ANKRD11: variants seen among roughly 807,000 people sequenced by gnomAD.
ANKRD11 encodes the protein ankyrin repeat domain-containing protein 11.
ANKRD11 carries 17 observed loss-of-function variants against 195.7 expected under a neutral mutation model. That is an observed-to-expected ratio of 0.09 (90% CI 0.06 to 0.13). The LOEUF is 0.13. Ranked by LOEUF, ANKRD11 falls within the 10% of genes least tolerant of loss-of-function variation. The pLI, the probability that ANKRD11 is intolerant of heterozygous loss-of-function variation, is 1.00. For missense variants in ANKRD11, 3,735 were observed against 3,566.1 expected, an observed-to-expected ratio of 1.05 and a Z score of -1.21; for synonymous variants, 1,953 against 1,528.1, an observed-to-expected ratio of 1.28 and a Z score of -6.49.
intron 1 of ANKRD11, among the ~76,000 whole-genome samples, chr16:89,468,206 C>T (rs1202304620): frequency 6.6e-6 from 1 of 152,192 alleles, no homozygotes; most frequent in Non-Finnish European, 1.5e-5. Flanking sequence ...GAAATCTAAA[C>T]AATTATTTGG....
intron 1 of ANKRD11, among the ~76,000 whole-genome samples, chr16:89,424,483 C>T (rs183012673): frequency 1.4e-3 from 214 of 151,820 alleles, no homozygotes; most frequent in African/African-American, 4.7e-3. Flanking sequence ...CTCATTTCTG[C>T]TGTTCTGTGT....
intron 1 of ANKRD11, among the ~76,000 whole-genome samples, chr16:89,488,163 A>C (rs898429903): frequency 6.6e-6 from 1 of 152,216 alleles, no homozygotes; most frequent in Non-Finnish European, 1.5e-5. Flanking sequence ...AAACTGCTGA[A>C]AGTTTCAAGT....
At chr16:89,300,504 C>T (rs1364131567) in intron 4 of ANKRD11, 4 of 223,172 alleles carry the variant, frequency 1.8e-5, no homozygotes, top group Non-Finnish European at 2.7e-5. Flanking sequence ...TCTGCCCGCT[C>T]GGGTCCACTG....
intron 1 of ANKRD11, among the ~76,000 whole-genome samples, chr16:89,435,552 A>T (rs2043179228): frequency 6.6e-6 from 1 of 152,156 alleles, no homozygotes; most frequent in African/African-American, 2.4e-5. Context: ...AAAACACTCC[A>T]GACACATCTG....
intron 7 of ANKRD11, chr16:89,287,040 C>T (rs1466863537): frequency 1.2e-5 from 15 of 1,289,606 alleles, no homozygotes; most frequent in African/African-American, 1.5e-5. Flanking sequence ...CACAAAACCT[C>T]AGGCTTACAA....
intron 2 of ANKRD11, among the ~76,000 whole-genome samples, chr16:89,345,322 A>ACAGAGCTCAGTGCCCC (rs2038889764): frequency 7.5e-6 from 1 of 132,988 alleles, no homozygotes; most frequent in Admixed American, 9.1e-5. Flanking sequence ...ACTCGACCCC[A>ACAGAGCTCAGTGCCCC]CAGAGCTCAG....
intron 1 of ANKRD11, among the ~76,000 whole-genome samples, chr16:89,418,766 C>CTT (rs771543095): frequency 7.0e-5 from 10 of 142,706 alleles, no homozygotes; most frequent in African/African-American, 1.0e-4. Flanking sequence ...TTTAAAAGGC[C>CTT]TTTTTTTTTT....
In ANKRD11 at chr16:89,395,526, G is replaced by A. The variant is rs1407935643; in HGVS notation, c.-60+22758C>T. On this transcript the variant is annotated intron_variant, in intron 2 of 12. Coordinates refer to ENST00000301030, the MANE Select transcript of ANKRD11 (RefSeq NM_013275.6). ...CACAGACCCACCCGAACGGGGAACCGAATCTTACTTGTCCATGAGAATCCC... is the reference window on the plus strand; with the variant it reads ...CACAGACCCACCCGAACGGGGAACCAAATCTTACTTGTCCATGAGAATCCC... 4.6e-5 allele frequency among the ~76,000 whole-genome samples: 7 copies of A among 152,312 alleles called. No individual in the cohort carries two copies. The South Asian group carries it at 1.0e-3, about 23-fold the overall frequency.
intron 2 of ANKRD11, among the ~76,000 whole-genome samples, chr16:89,381,354 A>AAAAAAAAAAAAG (rs1555560066): frequency 1.6e-4 from 20 of 125,344 alleles, no homozygotes; most frequent in African/African-American, 6.3e-4. Flanking sequence ...AAAAAAAAAA[A>AAAAAAAAAAAAG]GGGGTGAGAA....
At chr16:89,467,913 G>GC (rs2056940067) in intron 1 of ANKRD11, among the ~76,000 whole-genome samples, 1 of 152,034 alleles carries the variant, frequency 6.6e-6, no homozygotes, top group African/African-American at 2.4e-5. Flanking sequence ...TGTTTCTCTT[G>GC]CCTCAGCCTC....
At chr16:89,398,560 ATT>A (rs544209852) in intron 2 of ANKRD11, among the ~76,000 whole-genome samples, 7 of 151,746 alleles carry the variant, frequency 4.6e-5, no homozygotes, top group Admixed American at 2.6e-4. Context: ...CTTAAAAAAA[ATT>A]TTTTTTTAAC....
intron 1 of ANKRD11, among the ~76,000 whole-genome samples, chr16:89,478,382 C>A (rs576144077): frequency 6.6e-6 from 1 of 152,084 alleles, no homozygotes; most frequent in Non-Finnish European, 1.5e-5. Context: ...TCCTCTTCTA[C>A]ACAACTCATA....
chr16:89,424,424 A>G (rs1288136439), intron 1 of ANKRD11, among the ~76,000 whole-genome samples: 2 of 146,000 alleles, frequency 1.4e-5, no homozygotes, highest in Non-Finnish European at 3.0e-5. Context: ...CTGGGTGACA[A>G]GAGCAAAACT....
intron 2 of ANKRD11, among the ~76,000 whole-genome samples, chr16:89,394,994 A>G (rs2041362290): frequency 6.6e-6 from 1 of 152,234 alleles, no homozygotes; most frequent in African/African-American, 2.4e-5. Context: ...CCAAACCAGC[A>G]AATACATCAC....
At chr16:89,376,000 T>A (rs1322108805) in intron 2 of ANKRD11, among the ~76,000 whole-genome samples, 1 of 151,962 alleles carries the variant, frequency 6.6e-6, no homozygotes, top group East Asian at 1.9e-4. Flanking sequence ...AATCGATAAA[T>A]CCAGCAGAAG....
chr16:89,367,097 C>T (rs1420140242), intron 2 of ANKRD11, among the ~76,000 whole-genome samples: 1 of 152,180 alleles, frequency 6.6e-6, no homozygotes, highest in Non-Finnish European at 1.5e-5. Flanking sequence ...GATGCCACCC[C>T]GAGACTCACC....
At chr16:89,328,012 A>C (rs2037826061) in intron 2 of ANKRD11, among the ~76,000 whole-genome samples, 1 of 152,268 alleles carries the variant, frequency 6.6e-6, no homozygotes, top group Non-Finnish European at 1.5e-5. Flanking sequence ...ATGTAGAAGA[A>C]AGAAGTATCA....
chr16:89,425,249 T>C (rs1019725934), intron 1 of ANKRD11, among the ~76,000 whole-genome samples: 4 of 152,150 alleles, frequency 2.6e-5, no homozygotes, highest in Admixed American at 1.3e-4. Context: ...GTGAGAAATT[T>C]AGTCAAGGTC....
At chr16:89,310,537 T>C (rs3102349) in intron 3 of ANKRD11, among the ~76,000 whole-genome samples, 104,873 of 152,098 alleles carry the variant, frequency 0.69, 37,701 homozygotes, top group Non-Finnish European at 0.8. Flanking sequence ...TGGAGAGAGA[T>C]GGCATCCAGT....
Sources: gnomAD v4.1 joint callset for allele counts (sites outside exome capture counted in the v4.1 genomes callset) on GRCh38, gnomAD v4.1.1 for gene constraint, MANE v1.5 for transcripts, NCBI Gene and HGNC (gene_info 2026-07-23, HGNC 2026-07-21) for gene names.